The following FNDC3B variants were observed in gnomAD, a reference collection of about 807,000 sequenced individuals.
FNDC3B encodes the protein fibronectin type III domain-containing protein 3B.
Under a neutral mutation model 151.5 loss-of-function variants are expected in FNDC3B, and 12 were observed. That is an observed-to-expected ratio of 0.08 (90% CI 0.05 to 0.13). The LOEUF is 0.13. Among genes scored for constraint, FNDC3B ranks in the 10% least tolerant of loss-of-function variants. The pLI is 1.00. For missense variants in FNDC3B, 1,214 were observed against 1,505.3 expected (o/e 0.81, Z 3.20); for synonymous variants, 528 against 549.0 (o/e 0.96, Z 0.54).
chr3:172,350,833 G>A (rs1185192611), intron 21 of FNDC3B, among the ~76,000 whole-genome samples: 6 of 152,108 alleles, frequency 3.9e-5, no homozygotes, highest in South Asian at 2.1e-4. Flanking sequence ...TCCAGACAGA[G>A]ACAGACCCTG....
chr3:172,110,960 AT>A (rs766174710), intron 1 of FNDC3B, among the ~76,000 whole-genome samples: 1 of 152,050 alleles, frequency 6.6e-6, no homozygotes, highest in Non-Finnish European at 1.5e-5. Flanking sequence ...TTAGGCGGGC[AT>A]AGTGGTGCGT....
intron 6 of FNDC3B, among the ~76,000 whole-genome samples, chr3:172,251,813 T>A (rs1253895375): frequency 1.3e-5 from 2 of 152,194 alleles, no homozygotes; most frequent in African/African-American, 2.4e-5. Flanking sequence ...AATCTTTTCA[T>A]GTTAGCCTAC....
intron 6 of FNDC3B, among the ~76,000 whole-genome samples, chr3:172,259,789 TG>T (rs1728548677): frequency 6.6e-6 from 1 of 152,218 alleles, no homozygotes; most frequent in South Asian, 2.1e-4. Context: ...TGTTGCAATC[TG>T]GAATGTTTTA....
intron 3 of FNDC3B, among the ~76,000 whole-genome samples, chr3:172,150,481 A>G (rs1221359738): frequency 1.3e-5 from 2 of 151,698 alleles, no homozygotes; most frequent in Middle Eastern, 6.3e-3. Flanking sequence ...GCTAGATGGG[A>G]TGGCCTTTCT....
intron 9 of FNDC3B, among the ~76,000 whole-genome samples, chr3:172,299,303 G>T (rs969277665): frequency 6.6e-5 from 10 of 152,152 alleles, no homozygotes; most frequent in Non-Finnish European, 1.0e-4. Context: ...AACCCATGTG[G>T]CATAGTATGT....
chr3:172,340,356 G>T (rs1454710701), intron 16 of FNDC3B, among the ~76,000 whole-genome samples: 8 of 149,962 alleles, frequency 5.3e-5, no homozygotes, highest in African/African-American at 2.0e-4. Context: ...CGCAATCTCG[G>T]CTCACTGCAA....
intron 6 of FNDC3B, among the ~76,000 whole-genome samples, chr3:172,259,945 C>T (rs777368025): frequency 1.4e-4 from 21 of 152,224 alleles, no homozygotes; most frequent in South Asian, 1.2e-3. Context: ...AAAAATAATT[C>T]GTTGAGTTTT....
At chr3:172,132,485 A>C (rs1721156033) in intron 2 of FNDC3B, among the ~76,000 whole-genome samples, 1 of 152,088 alleles carries the variant, frequency 6.6e-6, no homozygotes, top group African/African-American at 2.4e-5. Flanking sequence ...GGCTTGCCAC[A>C]ACTTCCGCCT....
chr3:172,159,401 A>T (rs1722661182), intron 3 of FNDC3B, among the ~76,000 whole-genome samples: 1 of 152,208 alleles, frequency 6.6e-6, no homozygotes, highest in African/African-American at 2.4e-5. Context: ...TGATTACTGT[A>T]GCTACATAGT....
intron 21 of FNDC3B, among the ~76,000 whole-genome samples, chr3:172,350,997 A>C (rs2108322295): frequency 6.6e-6 from 1 of 152,368 alleles, no homozygotes; most frequent in East Asian, 1.9e-4. Flanking sequence ...TAAGAAAGAA[A>C]ATCTTTTTGA....
chr3:172,304,145 C>A (rs1451540598), intron 9 of FNDC3B, among the ~76,000 whole-genome samples: 1 of 152,118 alleles, frequency 6.6e-6, no homozygotes, highest in African/African-American at 2.4e-5. Context: ...GTCTCCATCA[C>A]TTACGACTCT....
chr3:172,337,596 A>T, intron 16 of FNDC3B, 195 bp downstream of exon 16: 4 of 486,988 alleles, frequency 8.2e-6, no homozygotes, highest in South Asian at 3.4e-5. Context: ...TCTACTTGAA[A>T]CTTACATTTG....
intron 1 of FNDC3B, among the ~76,000 whole-genome samples, chr3:172,067,151 C>T (rs747410920): frequency 2.6e-5 from 4 of 152,192 alleles, no homozygotes; most frequent in South Asian, 2.1e-4. Flanking sequence ...CAAAATCCTC[C>T]TCTAGGCTTT....
At position 172,172,157 on chromosome 3, in the gene FNDC3B, A is replaced by C. The variant is rs77276574; in HGVS notation, c.187+38611A>C. Among the ~76,000 whole-genome samples the C allele has an allele frequency of 1.6e-3, 243 of 152,328 alleles. 2 individuals carry two copies. The highest frequency in any genetic ancestry group is 5.6e-3 in the African/African-American group (233 of 41,570). On this transcript the variant is annotated intron_variant, in intron 3 of 25. Transcript: ENST00000415807. ...GCAGCTCTTACTGCTGTCAGTAAGC[A>C]GATGATGGCGTAAGGGGTTTAGAAT...
chr3:172,189,114 A>T (rs1353411887), intron 3 of FNDC3B, among the ~76,000 whole-genome samples: 1 of 152,192 alleles, frequency 6.6e-6, no homozygotes, highest in East Asian at 1.9e-4. Context: ...GAAATGGTGA[A>T]CTTACCTAAA....
chr3:172,181,395 C>CAAAAAAAAA lies in FNDC3B; in HGVS notation c.188-45465_188-45457dup, dbSNP rs755223783. Among the ~76,000 whole-genome samples, 14 of 71,526 alleles carry CAAAAAAAAA rather than the reference C, an allele frequency of 2.0e-4. 1 individual carries two copies. Among genetic ancestry groups the CAAAAAAAAA allele is most frequent in the African/African-American group, 8.1e-4 (13 of 16,032 alleles). 46.9% of individuals were successfully genotyped at this position (71,526 alleles called of 152,430 possible). A position where few individuals can be genotyped will look rare whatever the true frequency, so the allele number is the denominator to read the frequency against. On this transcript the variant is annotated intron_variant, in intron 3 of 25. Coordinates refer to ENST00000415807, the MANE Select transcript of FNDC3B (RefSeq NM_022763.4). The stretch of plus-strand genomic sequence containing the variant: ...GGGTGCCAGAGTGAGACTCTGTCTC[C>CAAAAAAAAA]AAAAAAAAAAAAAAAAAAACAAAAA...
At chr3:172,380,691 A>G (rs1735391861) in intron 24 of FNDC3B, among the ~76,000 whole-genome samples, 1 of 152,196 alleles carries the variant, frequency 6.6e-6, no homozygotes, top group African/African-American at 2.4e-5. Flanking sequence ...CTCAATTGCC[A>G]TAGGAGAAAA....
intron 6 of FNDC3B, among the ~76,000 whole-genome samples, chr3:172,278,269 C>T (rs1291633795): frequency 2.0e-5 from 3 of 152,080 alleles, no homozygotes; most frequent in Non-Finnish European, 4.4e-5. Flanking sequence ...TATGGTATGC[C>T]AAGTCCTAAT....
At chr3:172,294,944 C>T (rs1040668184) in intron 7 of FNDC3B, among the ~76,000 whole-genome samples, 5 of 152,202 alleles carry the variant, frequency 3.3e-5, no homozygotes, top group Admixed American at 6.5e-5. Flanking sequence ...ATCTGCAGGA[C>T]TTCAGCGGGT....
Sources: allele counts gnomAD v4.1 joint callset (sites outside exome capture counted in the v4.1 genomes callset), GRCh38; gene constraint gnomAD v4.1.1; transcripts MANE v1.5; gene names NCBI Gene and HGNC (gene_info 2026-07-23, HGNC 2026-07-21).